Variants in C19orf47 observed in about 807,000 individuals in gnomAD.
C19orf47 encodes uncharacterized protein C19orf47.
C19orf47 carries 18 observed loss-of-function variants against 32.3 expected under a neutral mutation model. The observed-to-expected ratio is 0.56, with a 90% CI of 0.39 to 0.83. C19orf47 has a LOEUF of 0.83. C19orf47 is among the 40% of genes least tolerant of loss of function. The probability of loss-of-function intolerance (pLI) is 0.00; values close to 1 mark genes in which losing one functional copy is unlikely to be tolerated. For synonymous variants in C19orf47, 202 were observed against 211.1 expected, an observed-to-expected ratio of 0.96 and a Z score of 0.37; for missense variants, 484 against 531.6, an observed-to-expected ratio of 0.91 and a Z score of 0.88.
chr19:40,348,348 T>C lies in C19orf47; in HGVS notation c.-58A>G. ...CCTGGCCCACCGGGCCCGCGCCCACTCGCGCCGCCCGCCCTCCCTCCCGGC... is the reference window on the plus strand; with the variant it reads ...CCTGGCCCACCGGGCCCGCGCCCACCCGCGCCGCCCGCCCTCCCTCCCGGC... On this transcript the variant is annotated 5_prime_UTR_variant, in exon 1 of 9. Coordinates refer to ENST00000683109, the MANE Select transcript of C19orf47 (RefSeq NM_001256441.2). 1.5e-6 allele frequency: 2 copies of C among 1,309,620 alleles called. No individual in the cohort carries two copies. The highest frequency in any genetic ancestry group is 2.0e-6 in the Non-Finnish European group (2 of 1,023,454). The allele number at this position is 1,309,620 out of a possible 1,614,324, so 81.1% of individuals were successfully genotyped here.
chr19:40,345,773 G>C (rs117356447), intron 1 of C19orf47, among the ~76,000 whole-genome samples: 55,490 of 102,350 alleles, frequency 0.54, 12,128 homozygotes, highest in South Asian at 0.68. Flanking sequence ...ACCCGGGGCG[G>C]GGGGGGGAGA....
chr19:40,296,970 T>C, the C19orf47 span, among the ~76,000 whole-genome samples: 2 of 152,056 alleles, frequency 1.3e-5, no homozygotes, highest in Non-Finnish European at 2.9e-5. Context: ...TATAACCTTA[T>C]GAGACCACCA....
intron 5 of C19orf47, among the ~76,000 whole-genome samples, chr19:40,331,582 G>A (rs992085308): frequency 4.6e-5 from 7 of 152,124 alleles, no homozygotes; most frequent in African/African-American, 1.7e-4. Flanking sequence ...AGGCTACAGT[G>A]AGCTATGACT....
the C19orf47 span, among the ~76,000 whole-genome samples, chr19:40,302,786 C>A: frequency 6.6e-6 from 1 of 152,190 alleles, no homozygotes; most frequent in Non-Finnish European, 1.5e-5. Context: ...CTATGACTCT[C>A]CAAACTAACA....
At chr19:40,310,389 G>A in the C19orf47 span, among the ~76,000 whole-genome samples, 11 of 152,260 alleles carry the variant, frequency 7.2e-5, no homozygotes, top group Admixed American at 2.0e-4. Context: ...AGCGATTCTC[G>A]TGCCTCAGCC....
the C19orf47 span, among the ~76,000 whole-genome samples, chr19:40,312,054 T>C: frequency 6.6e-6 from 1 of 152,224 alleles, no homozygotes; most frequent in East Asian, 1.9e-4. Flanking sequence ...ATCCAATATG[T>C]AAAACATAAT....
the C19orf47 span, among the ~76,000 whole-genome samples, chr19:40,301,499 GC>G: frequency 3.3e-5 from 5 of 151,098 alleles, no homozygotes; most frequent in East Asian, 1.0e-3. Flanking sequence ...CCACCACCAT[GC>G]CCAGCTAATT....
At chr19:40,325,346 G>A (rs1394910253) in intron 7 of C19orf47, among the ~76,000 whole-genome samples, 1 of 151,926 alleles carries the variant, frequency 6.6e-6, no homozygotes, top group East Asian at 1.9e-4. Context: ...AGAAAAACTA[G>A]GCTGAGTGTG....
the C19orf47 span, among the ~76,000 whole-genome samples, chr19:40,303,863 A>T: frequency 6.6e-6 from 1 of 150,792 alleles, no homozygotes; most frequent in Non-Finnish European, 1.5e-5. Flanking sequence ...AATTGCAACC[A>T]GGAAAATCTG....
chr19:40,331,769 G>A (rs149185336), intron 5 of C19orf47, among the ~76,000 whole-genome samples: 2 of 152,292 alleles, frequency 1.3e-5, no homozygotes, highest in African/African-American at 4.8e-5. Context: ...GGGTGCGGTG[G>A]CTAATGGCTG....
chr19:40,324,994 G>A (rs2077799570), intron 7 of C19orf47, among the ~76,000 whole-genome samples: 1 of 151,620 alleles, frequency 6.6e-6, no homozygotes, highest in Admixed American at 6.6e-5. Context: ...TTAGGTCCAG[G>A]CATGGTGGCT....
Position 40,321,044 on chromosome 19 carries a change from G to C in C19orf47, c.*838C>G, listed in dbSNP as rs1184199446. ...GTGAAACAGTCCTGCAACTCACCCT[G>C]AAGGAGTGGGGGAAATGATTTGAAA... On this transcript the variant is annotated 3_prime_UTR_variant, in exon 9 of 9. Coordinates refer to ENST00000683109, the MANE Select transcript of C19orf47 (RefSeq NM_001256441.2). 1 of 178,614 alleles carries C rather than the reference G, an allele frequency of 5.6e-6. No individual in the cohort carries two copies. The highest frequency in any genetic ancestry group is 1.1e-5 in the Non-Finnish European group (1 of 90,830). 11.1% of individuals were successfully genotyped at this position (178,614 alleles called of 1,614,324 possible). A position where few individuals can be genotyped will look rare whatever the true frequency, so the allele number is the denominator to read the frequency against.
intron 7 of C19orf47, 141 bp from the exon 8 acceptor site, chr19:40,324,217 T>C (rs2077782094): frequency 3.8e-6 from 3 of 797,140 alleles, no homozygotes; most frequent in Non-Finnish European, 2.1e-6. Context: ...GTGTTATGTC[T>C]ACACTGTTGG....
chr19:40,306,380 A>G, the C19orf47 span, among the ~76,000 whole-genome samples: 5 of 152,042 alleles, frequency 3.3e-5, no homozygotes, highest in African/African-American at 4.8e-5. Flanking sequence ...TAAAGAGTAT[A>G]CAGAAATCCT....
the C19orf47 span, among the ~76,000 whole-genome samples, chr19:40,303,116 T>C: frequency 2.6e-5 from 4 of 151,808 alleles, no homozygotes; most frequent in Non-Finnish European, 5.9e-5. Context: ...TAATCCCAGC[T>C]ACTTGGGAGT....
intron 5 of C19orf47, among the ~76,000 whole-genome samples, chr19:40,333,239 CAG>C (rs1057378875): frequency 6.7e-6 from 1 of 148,302 alleles, no homozygotes; most frequent in African/African-American, 2.5e-5. Flanking sequence ...GCCTGGGCAA[CAG>C]AGACTCCATC....
chr19:40,337,279 C>G (rs1359303675), intron 2 of C19orf47, among the ~76,000 whole-genome samples: 2 of 122,380 alleles, frequency 1.6e-5, no homozygotes, highest in African/African-American at 6.0e-5. Context: ...ATCCTCAAAC[C>G]ATGACAGCAA....
At position 40,332,646 on chromosome 19, in the gene C19orf47, C is replaced by CA. The variant is rs765868447; in HGVS notation, c.301+1204dup. On this transcript the variant is annotated intron_variant, in intron 5 of 8. Transcript: ENST00000683109. ...TGGGCAACAGAGGGAGACTCCATCT[C>CA]AAAAAAAAAAAAGAAAAAGAAAAAA... The CA allele has an allele frequency of 4.3e-3, 554 of 127,442 alleles. 2 individuals carry two copies. The highest frequency in any genetic ancestry group is 0.012 in the African/African-American group (410 of 34,392). 7.9% of individuals were successfully genotyped at this position (127,442 alleles called of 1,614,324 possible).
intron 5 of C19orf47, among the ~76,000 whole-genome samples, chr19:40,330,145 T>C (rs187335589): frequency 4.6e-5 from 7 of 152,318 alleles, no homozygotes; most frequent in East Asian, 3.9e-4. Context: ...GGAATGTTTT[T>C]AGAGCATTCT....
Sources: gnomAD v4.1 joint callset for allele counts (sites outside exome capture counted in the v4.1 genomes callset) on GRCh38, gnomAD v4.1.1 for gene constraint, MANE v1.5 for transcripts, NCBI Gene and HGNC (gene_info 2026-07-23, HGNC 2026-07-21) for gene names.